Variants in GBE1 observed in about 807,000 individuals in gnomAD.
GBE1 encodes 1,4-alpha-glucan branching enzyme 1, also known as 1,4-alpha-glucan-branching enzyme.
GBE1 carries 70 observed loss-of-function variants against 88.8 expected under a neutral mutation model. That is an observed-to-expected ratio of 0.79 (90% confidence interval 0.65 to 0.96). GBE1 has a LOEUF of 0.96. Among genes scored for constraint, GBE1 ranks in the 40% least tolerant of loss-of-function variants. The probability of loss-of-function intolerance (pLI) is 0.00; values close to 1 mark genes in which losing one functional copy is unlikely to be tolerated. For missense variants in GBE1, 872 were observed against 871.0 expected (o/e 1.00, Z -0.01); for synonymous variants, 284 against 300.1 (o/e 0.95, Z 0.56).
rs184840139 is a variant in GBE1 at position 81,629,888 on chromosome 3, C to T, written c.992+12893G>A. Among the ~76,000 whole-genome samples, 120 of 148,676 alleles carry T rather than the reference C, an allele frequency of 8.1e-4. 1 individual carries two copies. In the East Asian group the frequency reaches 0.019, roughly 23 times the overall value. The stretch of plus-strand genomic sequence containing the variant: ...CGCCTCCCCCCACCCCACAACAGTC[C>T]CCGGTGTGTGATCTTCCCCTTCCTG... On this transcript the variant is annotated intron_variant, in intron 7 of 15. Transcript: ENST00000429644.
At position 81,715,469 on chromosome 3, in the gene GBE1, G is replaced by A. The variant is rs149049927; in HGVS notation, c.144-9856C>T. On this transcript the variant is annotated intron_variant, in intron 1 of 15. Transcript: ENST00000429644. ...TTCACTTCTGCTCAAACTGCAGGTC[G>A]GTGGTTTTTCACTCAAGCAGCTTTT... is the stretch of plus-strand genomic sequence containing the variant. Among the ~76,000 whole-genome samples the A allele has an allele frequency of 1.3e-3, 194 of 152,186 alleles. No individual in the cohort carries two copies. In the East Asian group the frequency reaches 0.019, roughly 15 times the overall value.
chr3:81,592,211 A>G (rs1382789581), intron 8 of GBE1, among the ~76,000 whole-genome samples: 1 of 152,082 alleles, frequency 6.6e-6, no homozygotes, highest in African/African-American at 2.4e-5. Context: ...AAGTAATATT[A>G]TTAACTATAG....
At chr3:81,758,685 T>C (rs981145256) in intron 1 of GBE1, among the ~76,000 whole-genome samples, 8 of 152,092 alleles carry the variant, frequency 5.3e-5, no homozygotes, top group African/African-American at 1.7e-4. Context: ...AAGTGGAAAA[T>C]GCTATTTTGG....
chr3:81,613,130 T>C (rs1704204001), intron 7 of GBE1: 2 of 393,732 alleles, frequency 5.1e-6, no homozygotes, highest in Non-Finnish European at 8.8e-6. Flanking sequence ...TCTCCAGTCC[T>C]TGGGAGCAAG....
intron 8 of GBE1, among the ~76,000 whole-genome samples, chr3:81,592,963 T>C (rs1703899683): frequency 6.6e-6 from 1 of 152,210 alleles, no homozygotes; most frequent in Non-Finnish European, 1.5e-5. Flanking sequence ...AATGTTTAGC[T>C]TCTTTCCTTG....
At chr3:81,751,695 G>A (rs1018571786) in intron 1 of GBE1, among the ~76,000 whole-genome samples, 3 of 152,156 alleles carry the variant, frequency 2.0e-5, no homozygotes, top group East Asian at 3.8e-4. Context: ...ACTGACCTTC[G>A]CTTTTCTTCA....
intron 14 of GBE1, among the ~76,000 whole-genome samples, chr3:81,520,845 C>T (rs997987778): frequency 1.3e-5 from 2 of 151,374 alleles, no homozygotes; most frequent in African/African-American, 4.8e-5. Context: ...TTTTTGTTGT[C>T]GTTTTGTTTC....
intron 2 of GBE1, among the ~76,000 whole-genome samples, chr3:81,678,602 A>C (rs1202260172): frequency 6.6e-6 from 1 of 152,174 alleles, no homozygotes; most frequent in African/African-American, 2.4e-5. Flanking sequence ...GGATTGATAA[A>C]TATTCTTGTT....
intron 7 of GBE1, among the ~76,000 whole-genome samples, chr3:81,598,999 A>G (rs955248126): frequency 2.6e-5 from 4 of 152,068 alleles, no homozygotes; most frequent in Non-Finnish European, 5.9e-5. Flanking sequence ...AAAATAAAGC[A>G]TTTTCTTCCC....
chr3:81,490,578 T>G, intron 15 of GBE1, 115 bp from the exon 16 acceptor site: 1 of 800,368 alleles, frequency 1.2e-6, no homozygotes, highest in Non-Finnish European at 2.1e-6. Context: ...TACAGTTACC[T>G]TTACAATTTT....
intron 7 of GBE1, among the ~76,000 whole-genome samples, chr3:81,603,270 G>A (rs1310845897): frequency 6.6e-6 from 1 of 152,032 alleles, no homozygotes; most frequent in East Asian, 1.9e-4. Flanking sequence ...CAGGTACTCT[G>A]ACTTGATGAA....
chr3:81,508,501 T>C (rs78674470), intron 14 of GBE1, among the ~76,000 whole-genome samples: 225 of 152,256 alleles, frequency 1.5e-3, no homozygotes, highest in African/African-American at 5.2e-3. Context: ...AACCACATCT[T>C]TTATTATCAA....
intron 15 of GBE1, among the ~76,000 whole-genome samples, chr3:81,492,377 C>T (rs1702448394): frequency 6.6e-6 from 1 of 152,052 alleles, no homozygotes; most frequent in South Asian, 2.1e-4. Context: ...ACGAATAAAG[C>T]AGGACTATTA....
intron 1 of GBE1, among the ~76,000 whole-genome samples, chr3:81,720,346 G>A (rs1374429667): frequency 6.9e-6 from 1 of 145,370 alleles, no homozygotes; most frequent in Non-Finnish European, 1.5e-5. Context: ...GTGTGTATGT[G>A]TATGTGTGTG....
intron 7 of GBE1, among the ~76,000 whole-genome samples, chr3:81,602,723 A>G (rs1191508528): frequency 6.6e-6 from 1 of 152,226 alleles, no homozygotes; most frequent in Non-Finnish European, 1.5e-5. Flanking sequence ...TAAAAGGAAG[A>G]GAGGATGAAG....
At chr3:81,586,927 T>G (rs1161405578) in intron 9 of GBE1, among the ~76,000 whole-genome samples, 1 of 152,098 alleles carries the variant, frequency 6.6e-6, no homozygotes, top group Non-Finnish European at 1.5e-5. Context: ...TAGCTGGGAT[T>G]ACAGATGTCC....
intron 11 of GBE1, among the ~76,000 whole-genome samples, chr3:81,578,851 T>G (rs935366241): frequency 1.3e-5 from 2 of 152,040 alleles, no homozygotes; most frequent in African/African-American, 4.8e-5. Flanking sequence ...AATTAATCCA[T>G]AATCTCAGTA....
intron 14 of GBE1, among the ~76,000 whole-genome samples, chr3:81,510,350 G>A (rs747507281): frequency 3.9e-5 from 6 of 152,018 alleles, no homozygotes; most frequent in Admixed American, 6.6e-5. Context: ...CTTACTTGGC[G>A]TAACATATAG....
rs541954108 is a variant in GBE1, at chr3:81,549,323, C to T, written c.1619-12228G>A. On this transcript the variant is annotated intron_variant, in intron 12 of 15. Transcript: ENST00000429644. ...GATTACAGGAGTGAGCCACCACCCCCGGCTGGGTATTCTTAATTTATGGTA... is the reference window on the plus strand; with the variant it reads ...GATTACAGGAGTGAGCCACCACCCCTGGCTGGGTATTCTTAATTTATGGTA... Among the ~76,000 whole-genome samples, 45 of 151,528 alleles carry T rather than the reference C, an allele frequency of 3.0e-4. 2 individuals are homozygous for T. Among genetic ancestry groups the T allele is most frequent in the African/African-American group, 5.8e-4 (24 of 41,460 alleles).
Sources: gnomAD v4.1 joint callset for allele counts (sites outside exome capture counted in the v4.1 genomes callset) on GRCh38, gnomAD v4.1.1 for gene constraint, MANE v1.5 for transcripts, NCBI Gene and HGNC (gene_info 2026-07-23, HGNC 2026-07-21) for gene names.